CADPS: variants seen among roughly 807,000 people sequenced by gnomAD.
CADPS encodes calcium dependent secretion activator, also known as calcium-dependent secretion activator 1.
A neutral mutation model predicts 167.3 loss-of-function variants in CADPS; 57 were observed. The ratio of observed to expected loss-of-function variants is 0.34; its 90% CI spans 0.28 to 0.42. The LOEUF is 0.42. Ranked by LOEUF, CADPS falls within the 20% of genes least tolerant of loss-of-function variation. The pLI is 1.00. For synonymous variants in CADPS, 676 were observed against 635.3 expected (o/e 1.06, Z -0.96); for missense variants, 1,414 against 1,738.1 (o/e 0.81, Z 3.32).
intron 2 of CADPS, among the ~76,000 whole-genome samples, chr3:62,758,673 G>A (rs1214724465): frequency 6.6e-6 from 1 of 152,202 alleles, no homozygotes; most frequent in African/African-American, 2.4e-5. Flanking sequence ...CCCAAGCCCA[G>A]TTCTATCTGG....
At chr3:62,808,371 AAGAG>A (rs997025519) in intron 1 of CADPS, among the ~76,000 whole-genome samples, 26 of 152,188 alleles carry the variant, frequency 1.7e-4, no homozygotes, top group African/African-American at 4.6e-4. Context: ...AAAGTGGACA[AAGAG>A]AGAGAGCCTG....
At chr3:62,748,839 C>G (rs2082095952) in intron 3 of CADPS, among the ~76,000 whole-genome samples, 1 of 152,128 alleles carries the variant, frequency 6.6e-6, no homozygotes, top group Non-Finnish European at 1.5e-5. Flanking sequence ...TCCTGAGTAG[C>G]TGGGACTATG....
At chr3:62,715,148 G>T (rs2135580) in intron 3 of CADPS, among the ~76,000 whole-genome samples, 85,457 of 151,874 alleles carry the variant, frequency 0.56, 24,326 homozygotes, top group East Asian at 0.74. Flanking sequence ...TCTGAGGATG[G>T]AAGAATGGGG....
At chr3:62,403,040 G>T in intron 29 of CADPS, 41 bp downstream of exon 29, 4 of 1,270,174 alleles carry the variant, frequency 3.1e-6, no homozygotes, top group Non-Finnish European at 4.6e-6. Flanking sequence ...ATATATTTCA[G>T]TAAGCTATTT....
At chr3:62,639,047 T>A (rs752612175) in intron 6 of CADPS, among the ~76,000 whole-genome samples, 19 of 138,660 alleles carry the variant, frequency 1.4e-4, no homozygotes, top group Admixed American at 3.0e-4. Context: ...ACCTTCACCC[T>A]CCAGCTCACA....
intron 3 of CADPS, among the ~76,000 whole-genome samples, chr3:62,698,346 T>TACTA (rs2080730852): frequency 6.6e-6 from 1 of 152,126 alleles, no homozygotes. Flanking sequence ...GCACTCAAGT[T>TACTA]ACTTCCCACT....
At chr3:62,713,956 A>C (rs1410924171) in intron 3 of CADPS, among the ~76,000 whole-genome samples, 1 of 152,138 alleles carries the variant, frequency 6.6e-6, no homozygotes, top group Non-Finnish European at 1.5e-5. Flanking sequence ...TTTTTAAAAA[A>C]ATTTCTCTAT....
chr3:62,744,377 A>G (rs978520585), intron 3 of CADPS, among the ~76,000 whole-genome samples: 1 of 152,178 alleles, frequency 6.6e-6, no homozygotes, highest in African/African-American at 2.4e-5. Context: ...AAAGGATTGA[A>G]ACACAAAGGG....
At chr3:62,844,013 A>G (rs547238577) in intron 1 of CADPS, among the ~76,000 whole-genome samples, 7 of 152,302 alleles carry the variant, frequency 4.6e-5, no homozygotes, top group Non-Finnish European at 7.3e-5. Context: ...TAAAATTTGA[A>G]ACCTTAATCC....
rs150765637 is a variant in CADPS at position 62,557,499 on chromosome 3, C to T, written c.1659G>A (p.Thr553=). The part of the protein sequence containing the change: ...FFVLVQVSQY[T]FAMCSYREKK... ...TCTCCCGATAACTGCACATGGCAAA[C>T]GTGTACTGACTGACCTGTTAAGGAA... The change falls in exon 10 of 30, where the codon ACG becomes ACA. Residue 553 remains threonine, a synonymous_variant. Coordinates refer to ENST00000383710, the MANE Select transcript of CADPS (RefSeq NM_003716.4). 6.3e-5 allele frequency: 101 copies of T among 1,613,536 alleles called. 2 individuals are homozygous for T. In the South Asian group the frequency reaches 7.2e-4, roughly 12 times the overall value.
chr3:62,592,411 G>A (rs995823270), intron 7 of CADPS, among the ~76,000 whole-genome samples: 1 of 152,056 alleles, frequency 6.6e-6, no homozygotes, highest in Non-Finnish European at 1.5e-5. Flanking sequence ...ATCTCCTGTA[G>A]GGCACACTCT....
rs1210016056 is a variant in CADPS, at chr3:62,765,816, T to C, written c.555+55A>G. 2.1e-5 allele frequency: 24 copies of C among 1,167,598 alleles called. No homozygotes were observed. In the East Asian group the frequency reaches 5.8e-4, roughly 28 times the overall value. The allele number at this position is 1,167,598 out of a possible 1,614,324, so 72.3% of individuals were successfully genotyped here. ...GTCCCCATTGCCCTGCAGCTCAGAC[T>C]CCCCAGGCATAGGGCTTGAGTGGTC... On this transcript the variant is annotated intron_variant, in intron 2 of 29. Transcript: ENST00000383710.
At chr3:62,698,950 C>T (rs1306020115) in intron 3 of CADPS, among the ~76,000 whole-genome samples, 2 of 151,574 alleles carry the variant, frequency 1.3e-5, no homozygotes, top group South Asian at 2.1e-4. Flanking sequence ...TTTTTTGTCA[C>T]TACGGCTCAA....
At chr3:62,543,744 C>T (rs955622338) in intron 11 of CADPS, among the ~76,000 whole-genome samples, 84 of 152,170 alleles carry the variant, frequency 5.5e-4, no homozygotes, top group Non-Finnish European at 1.9e-4. Context: ...AATTAGCATT[C>T]AGAATACTCA....
intron 3 of CADPS, among the ~76,000 whole-genome samples, chr3:62,702,575 G>A (rs1051251570): frequency 3.9e-5 from 6 of 152,032 alleles, no homozygotes; most frequent in Admixed American, 3.3e-4. Context: ...CGATAGTACC[G>A]GGTCACTGAC....
At chr3:62,596,164 T>TCTGGAGAA (rs1185618715) in intron 6 of CADPS, among the ~76,000 whole-genome samples, 1 of 148,440 alleles carries the variant, frequency 6.7e-6, no homozygotes, top group African/African-American at 2.5e-5. Flanking sequence ...GTTTTGTCCC[T>TCTGGAGAA]CTGGAGAACC....
intron 23 of CADPS, among the ~76,000 whole-genome samples, chr3:62,475,144 T>A (rs1363564579): frequency 6.6e-6 from 1 of 152,226 alleles, no homozygotes; most frequent in Non-Finnish European, 1.5e-5. Flanking sequence ...AATTCTGACA[T>A]TGGTCAAATT....
chr3:62,703,991 G>T (rs1404891436), intron 3 of CADPS, among the ~76,000 whole-genome samples: 1 of 152,054 alleles, frequency 6.6e-6, no homozygotes, highest in Non-Finnish European at 1.5e-5. Context: ...TCACCATGCT[G>T]CAGGACTTAA....
Position 62,458,586 on chromosome 3 carries a change from T to C in CADPS, c.3636+6781A>G, listed in dbSNP as rs1241771737. On this transcript the variant is annotated intron_variant, in intron 26 of 29. Coordinates refer to ENST00000383710, the MANE Select transcript of CADPS (RefSeq NM_003716.4). The surrounding 1 kb of genome is among the most constrained non-coding windows in gnomAD (Gnocchi z 4.6). ...TCACTACAACCTCCGCCTCCCGAGTTCAAGCAATTCTCCTGGCTCAGCCTC... is the reference window on the plus strand; with the variant it reads ...TCACTACAACCTCCGCCTCCCGAGTCCAAGCAATTCTCCTGGCTCAGCCTC... 6.6e-6 allele frequency among the ~76,000 whole-genome samples: 1 copy of C among 152,086 alleles called. No individual in the cohort carries two copies. Among genetic ancestry groups the C allele is most frequent in the Non-Finnish European group, 1.5e-5 (1 of 68,010 alleles).
Sources: allele counts gnomAD v4.1 joint callset (sites outside exome capture counted in the v4.1 genomes callset), GRCh38; gene constraint gnomAD v4.1.1; non-coding constraint Gnocchi (gnomAD v3.1); transcripts MANE v1.5; gene names NCBI Gene and HGNC (gene_info 2026-07-23, HGNC 2026-07-21).